The following GFOD1 variants were observed in gnomAD, a reference collection of about 807,000 sequenced individuals.
GFOD1 encodes glucose-fructose oxidoreductase domain-containing protein 1.
In GFOD1, 9 loss-of-function variants were observed where a neutral mutation model predicts 25.4. The observed-to-expected ratio is 0.35, with a 90% confidence interval of 0.21 to 0.62. The LOEUF (loss-of-function observed/expected upper bound fraction) is 0.62. Ranked by LOEUF, GFOD1 falls within the 20% of genes least tolerant of loss-of-function variation. GFOD1 has a pLI of 0.72. For synonymous variants in GFOD1, 253 were observed against 245.6 expected, an observed-to-expected ratio of 1.03 and a Z score of -0.28; for missense variants, 403 against 556.9, an observed-to-expected ratio of 0.72 and a Z score of 2.78.
chr6:13,481,409 G>A lies in GFOD1; in HGVS notation c.253+5229C>T, dbSNP rs77573969. ...GGAACAGAAAAGAGGCCAGGTGGCC[G>A]GAATATAGAGTCCAGGAGTGTGTGA... is the stretch of plus-strand genomic sequence containing the variant. On this transcript the variant is annotated intron_variant, in intron 1 of 1. Coordinates refer to ENST00000379287, the MANE Select transcript of GFOD1 (RefSeq NM_018988.4). 2.2e-3 allele frequency among the ~76,000 whole-genome samples: 341 copies of A among 152,356 alleles called. 3 individuals carry two copies. Among genetic ancestry groups the A allele is most frequent in the African/African-American group, 6.9e-3 (286 of 41,582 alleles).
chr6:13,369,890 A>T (rs75155408), intron 1 of GFOD1, among the ~76,000 whole-genome samples: 1,724 of 151,780 alleles, frequency 0.011, 32 homozygotes, highest in African/African-American at 0.039. Flanking sequence ...AAAAAGAAAA[A>T]CCCTAGGAGG....
At chr6:13,441,734 A>C (rs1202544599) in intron 1 of GFOD1, among the ~76,000 whole-genome samples, 1 of 152,246 alleles carries the variant, frequency 6.6e-6, no homozygotes, top group Non-Finnish European at 1.5e-5. Flanking sequence ...TGGTCACAAA[A>C]ATATCACCAA....
intron 1 of GFOD1, among the ~76,000 whole-genome samples, chr6:13,436,290 A>G (rs1214577109): frequency 6.6e-6 from 1 of 152,258 alleles, no homozygotes; most frequent in East Asian, 1.9e-4. Flanking sequence ...CCTTGTTAAA[A>G]CAAGTCTAAC....
intron 1 of GFOD1, among the ~76,000 whole-genome samples, chr6:13,367,473 C>A (rs1196185935): frequency 6.6e-6 from 1 of 152,140 alleles, no homozygotes; most frequent in Non-Finnish European, 1.5e-5. Flanking sequence ...CCTTCCCGAC[C>A]CCCATCTGCT....
At chr6:13,370,076 A>G (rs1171605759) in intron 1 of GFOD1, among the ~76,000 whole-genome samples, 1 of 152,230 alleles carries the variant, frequency 6.6e-6, no homozygotes, top group Non-Finnish European at 1.5e-5. Context: ...AATAATGGAA[A>G]AAGGGTCCTC....
intron 1 of GFOD1, among the ~76,000 whole-genome samples, chr6:13,475,285 C>T (rs1318292667): frequency 2.6e-5 from 4 of 152,200 alleles, no homozygotes; most frequent in African/African-American, 9.7e-5. Context: ...ATCAAAAAGA[C>T]TCACAAGGCT....
Position 13,365,624 on chromosome 6 carries a change from G to A in GFOD1, c.292C>T (p.Pro98Ser). Residue 98 changes from proline (P) to serine (S), a missense_variant, in exon 2 of 2, where the codon CCG becomes TCG. Transcript: ENST00000379287. The surrounding 1 kb of genome is among the most constrained non-coding windows in gnomAD (Gnocchi z 9.2). ...GAGGTCATGCGGAAAGCGTCCAGCG[G>A]CGTGGCCGTGCGGTCGCAGATGACG... ...KNVICDRTAT[P>S]LDAFRMTSAA... The A allele has an allele frequency of 6.3e-7, 1 of 1,599,876 alleles. No homozygotes were observed. The highest frequency in any genetic ancestry group is 8.5e-7 in the Non-Finnish European group (1 of 1,178,708).
chr6:13,365,717 G>A lies in GFOD1; in HGVS notation c.254-55C>T. 4.1e-6 allele frequency: 5 copies of A among 1,210,432 alleles called. No homozygotes were observed. Among genetic ancestry groups the A allele is most frequent in the Non-Finnish European group, 5.9e-6 (5 of 844,284 alleles). The allele number at this position is 1,210,432 out of a possible 1,614,324, so 75.0% of individuals were successfully genotyped here. A position where few individuals can be genotyped will look rare whatever the true frequency, so the allele number is the denominator to read the frequency against. On this transcript the variant is annotated intron_variant, in intron 1 of 1. Coordinates refer to ENST00000379287, the MANE Select transcript of GFOD1 (RefSeq NM_018988.4). This position sits in a 1 kb window ranked among gnomAD's most constrained non-coding sequence, Gnocchi z 9.2. ...GGGGCAGGACCATGTCCGAGCGCGC[G>A]TCCCTGGGTCAGATCTTAAAATATT...
chr6:13,385,480 T>C (rs954538446), intron 1 of GFOD1, among the ~76,000 whole-genome samples: 10 of 152,194 alleles, frequency 6.6e-5, no homozygotes, highest in African/African-American at 2.2e-4. Flanking sequence ...GCTGGGGCTG[T>C]GGACAGAAGA....
In GFOD1 at chr6:13,360,947, T is replaced by C. The variant is rs1342653531; in HGVS notation, c.*3796A>G. 2 of 433,682 alleles carry C rather than the reference T, an allele frequency of 4.6e-6. No homozygotes were observed. The highest frequency in any genetic ancestry group is 9.4e-6 in the Non-Finnish European group (2 of 213,312). The allele number at this position is 433,682 out of a possible 1,614,324, so 26.9% of individuals were successfully genotyped here. ...TGACCTCATTTCTGCCTAACAGTTG[T>C]GTGACTTTGAACAAGTTCCTCTTCC... On this transcript the variant is annotated 3_prime_UTR_variant, in exon 2 of 2. Transcript: ENST00000379287.
intron 1 of GFOD1, among the ~76,000 whole-genome samples, chr6:13,367,243 C>T (rs2127555002): frequency 6.6e-6 from 1 of 152,258 alleles, no homozygotes. Flanking sequence ...GTCTGAAGAA[C>T]TTCTTATTGA....
chr6:13,475,365 G>C (rs1758595546), intron 1 of GFOD1, among the ~76,000 whole-genome samples: 1 of 152,032 alleles, frequency 6.6e-6, no homozygotes, highest in Admixed American at 6.5e-5. Context: ...CTTGAGATCA[G>C]GAGTTTGAGA....
chr6:13,476,056 A>G (rs1758617442), intron 1 of GFOD1, among the ~76,000 whole-genome samples: 1 of 152,232 alleles, frequency 6.6e-6, no homozygotes, highest in African/African-American at 2.4e-5. Context: ...AGTTAAATAT[A>G]TACACACTAT....
chr6:13,447,240 C>T (rs2127573099), intron 1 of GFOD1, among the ~76,000 whole-genome samples: 1 of 152,240 alleles, frequency 6.6e-6, no homozygotes, highest in South Asian at 2.1e-4. Context: ...CTGCTCCAGG[C>T]CTCTCTCCTA....
At chr6:13,369,161 T>C (rs1003229639) in intron 1 of GFOD1, among the ~76,000 whole-genome samples, 4 of 152,206 alleles carry the variant, frequency 2.6e-5, no homozygotes, top group African/African-American at 9.7e-5. Flanking sequence ...CTGTGGTGCA[T>C]CCAGTGTGCA....
chr6:13,386,197 AT>A (rs60366007), intron 1 of GFOD1, among the ~76,000 whole-genome samples: 74,555 of 151,076 alleles, frequency 0.49, 19,455 homozygotes, highest in East Asian at 0.68. Context: ...AAATTACTTT[AT>A]TTTTTTTAAA....
At chr6:13,404,007 G>A (rs1242561342) in intron 1 of GFOD1, among the ~76,000 whole-genome samples, 3 of 152,168 alleles carry the variant, frequency 2.0e-5, no homozygotes, top group South Asian at 2.1e-4. Context: ...GGAAGTTATA[G>A]ATGAAATATG....
chr6:13,397,035 C>T (rs563375942), intron 1 of GFOD1, among the ~76,000 whole-genome samples: 4 of 152,184 alleles, frequency 2.6e-5, no homozygotes, highest in Admixed American at 6.5e-5. Flanking sequence ...GTGCAGTGAC[C>T]GACACCTTCA....
At chr6:13,486,568 G>A in intron 1 of GFOD1, 70 bp downstream of exon 1, 1 of 1,303,560 alleles carries the variant, frequency 7.7e-7, no homozygotes, top group Non-Finnish European at 1.1e-6. Context: ...GGGAAAGGCA[G>A]GGGGGAAGGA....
Sources: allele counts gnomAD v4.1 joint callset (sites outside exome capture counted in the v4.1 genomes callset), GRCh38; gene constraint gnomAD v4.1.1; non-coding constraint Gnocchi (gnomAD v3.1); transcripts MANE v1.5; gene names NCBI Gene and HGNC (gene_info 2026-07-23, HGNC 2026-07-21).